Variants in MAP2K5 observed in about 807,000 individuals in gnomAD.
The protein encoded by MAP2K5 is mitogen-activated protein kinase kinase 5, also known as dual specificity mitogen-activated protein kinase kinase 5.
A neutral mutation model predicts 83.1 loss-of-function variants in MAP2K5; 49 were observed. That is an observed-to-expected ratio of 0.59 (90% CI 0.47 to 0.75). MAP2K5 has a LOEUF of 0.75. Among genes scored for constraint, MAP2K5 ranks in the 30% least tolerant of loss-of-function variants. The pLI, the probability that MAP2K5 is intolerant of heterozygous loss-of-function variation, is 0.00. For missense variants in MAP2K5, 457 were observed against 557.5 expected (o/e 0.82, Z 1.82); for synonymous variants, 202 against 191.8 (o/e 1.05, Z -0.44).
At chr15:67,630,118 T>C (rs1393362131) in intron 8 of MAP2K5, among the ~76,000 whole-genome samples, 1 of 152,150 alleles carries the variant, frequency 6.6e-6, no homozygotes, top group Non-Finnish European at 1.5e-5. Context: ...CCTATAGTCC[T>C]AGCTACTCAG....
intron 17 of MAP2K5, among the ~76,000 whole-genome samples, chr15:67,731,600 A>T (rs995379935): frequency 1.3e-5 from 2 of 152,130 alleles, no homozygotes; most frequent in Non-Finnish European, 2.9e-5. Flanking sequence ...CACCTTTCCC[A>T]CATAGGGTTC....
intron 13 of MAP2K5, among the ~76,000 whole-genome samples, chr15:67,678,186 T>G (rs1454600602): frequency 6.6e-6 from 1 of 151,954 alleles, no homozygotes; most frequent in Non-Finnish European, 1.5e-5. Context: ...AGATATATTG[T>G]TTTTTTTCTT....
At chr15:67,545,959 C>T (rs141828291) in intron 1 of MAP2K5, among the ~76,000 whole-genome samples, 1 of 152,304 alleles carries the variant, frequency 6.6e-6, no homozygotes, top group East Asian at 1.9e-4. Context: ...TGGCTCAAGG[C>T]TGACTGGCTT....
At chr15:67,550,343 C>T (rs2084483245) in intron 2 of MAP2K5, among the ~76,000 whole-genome samples, 1 of 152,130 alleles carries the variant, frequency 6.6e-6, no homozygotes, top group South Asian at 2.1e-4. Context: ...GCTCTTGCTC[C>T]TGATTGTGAT....
intron 9 of MAP2K5, among the ~76,000 whole-genome samples, chr15:67,643,891 C>T (rs2086773861): frequency 6.6e-6 from 1 of 152,134 alleles, no homozygotes; most frequent in Admixed American, 6.5e-5. Flanking sequence ...GTTTATAATG[C>T]ATAACTTATG....
Position 67,790,301 on chromosome 15 carries a change from AT to A in MAP2K5, c.1243-16344del, listed in dbSNP as rs1446560203. ...TGCCCCTAGCCCTAATGTGCCATTAATGATAGGTTAATGTACAGTATAATGT... is the reference window on the plus strand; with the variant it reads ...TGCCCCTAGCCCTAATGTGCCATTAAGATAGGTTAATGTACAGTATAATGT... On this transcript the variant is annotated intron_variant, in intron 21 of 21. Transcript: ENST00000178640. This position sits in a 1 kb window ranked among gnomAD's most constrained non-coding sequence, Gnocchi z 4.6. 6.6e-6 allele frequency among the ~76,000 whole-genome samples: 1 copy of A among 152,224 alleles called. No individual in the cohort carries two copies. The highest frequency in any genetic ancestry group is 1.5e-5 in the Non-Finnish European group (1 of 68,046).
rs1182692227 is a variant in MAP2K5, at chr15:67,768,316, C to A, written c.1135-1286C>A. Reference sequence around the variant, plus strand: ...CTATCTGCCACCATTGATAATGACACGCATATTGCAGAGGTGCTTTTATCA... The same window carrying A: ...CTATCTGCCACCATTGATAATGACAAGCATATTGCAGAGGTGCTTTTATCA... On this transcript the variant is annotated intron_variant, in intron 19 of 21. Coordinates refer to ENST00000178640, the MANE Select transcript of MAP2K5 (RefSeq NM_145160.3). This position sits in a 1 kb window ranked among gnomAD's most constrained non-coding sequence, Gnocchi z 4.0. Among the ~76,000 whole-genome samples the A allele has an allele frequency of 6.6e-6, 1 of 152,172 alleles. No homozygotes were observed.
intron 16 of MAP2K5, among the ~76,000 whole-genome samples, chr15:67,715,027 G>A (rs1462572900): frequency 6.6e-6 from 1 of 152,136 alleles, no homozygotes; most frequent in Non-Finnish European, 1.5e-5. Context: ...GATCTGAAGG[G>A]CCCAAAGACA....
rs534321185 is a variant in MAP2K5 at position 67,803,663 on chromosome 15, A to G, written c.1243-2983A>G. Among the ~76,000 whole-genome samples the G allele has an allele frequency of 5.3e-5, 8 of 152,236 alleles. No homozygotes were observed. The East Asian group carries it at 1.5e-3, about 29-fold the overall frequency. ...GGTGTATTTTCCCTGAATCCCATGC[A>G]GGGCTGATGGGAGGAGGGGGAGTCA... On this transcript the variant is annotated intron_variant, in intron 21 of 21. Transcript: ENST00000178640.
At chr15:67,734,936 A>C (rs902167492) in intron 17 of MAP2K5, among the ~76,000 whole-genome samples, 3 of 152,190 alleles carry the variant, frequency 2.0e-5, no homozygotes, top group Admixed American at 6.5e-5. Context: ...TTTTCTAAAC[A>C]GATGTCTAGC....
intron 4 of MAP2K5, among the ~76,000 whole-genome samples, chr15:67,581,043 T>C (rs887548406): frequency 3.3e-5 from 5 of 152,206 alleles, no homozygotes; most frequent in African/African-American, 1.2e-4. Context: ...AGATTGTTTT[T>C]TGTTTTTGAA....
At chr15:67,544,016 T>C (rs772208143) in intron 1 of MAP2K5, among the ~76,000 whole-genome samples, 10 of 152,220 alleles carry the variant, frequency 6.6e-5, no homozygotes, top group Non-Finnish European at 8.8e-5. Flanking sequence ...GCTCAAGCGA[T>C]TCTCCTACCT....
chr15:67,646,150 G>GT (rs983533393), intron 9 of MAP2K5, 81 bp from the exon 10 acceptor site: 2 of 619,824 alleles, frequency 3.2e-6, no homozygotes. Flanking sequence ...GAACTACCAT[G>GT]TTTTTAGTTC....
chr15:67,707,991 C>G (rs765882646), intron 16 of MAP2K5, among the ~76,000 whole-genome samples: 1 of 151,970 alleles, frequency 6.6e-6, no homozygotes, highest in South Asian at 2.1e-4. Context: ...TGTAGGAAAC[C>G]GAGCAAAGGA....
At chr15:67,557,149 A>G (rs922007654) in intron 2 of MAP2K5, among the ~76,000 whole-genome samples, 12 of 152,336 alleles carry the variant, frequency 7.9e-5, no homozygotes, top group African/African-American at 2.9e-4. Context: ...ACACCAACAC[A>G]TGAGGTGATA....
At position 67,676,850 on chromosome 15, in the gene MAP2K5, C is replaced by G. The variant is rs935567993; in HGVS notation, c.847+12205C>G. On this transcript the variant is annotated intron_variant, in intron 13 of 21. Coordinates refer to ENST00000178640, the MANE Select transcript of MAP2K5 (RefSeq NM_145160.3). The surrounding 1 kb of genome is among the most constrained non-coding windows in gnomAD (Gnocchi z 4.8). ...TGGTTGGTGGCCTAATGGAAAAGCT[C>G]TAGTATGAGGGTCAGACCCAGGTTT... Among the ~76,000 whole-genome samples, 2 of 152,108 alleles carry G rather than the reference C, an allele frequency of 1.3e-5. No homozygotes were observed. Among genetic ancestry groups the G allele is most frequent in the Non-Finnish European group, 1.5e-5 (1 of 68,020 alleles).
intron 8 of MAP2K5, among the ~76,000 whole-genome samples, chr15:67,620,895 G>A (rs2086166181): frequency 2.0e-5 from 3 of 152,130 alleles, no homozygotes; most frequent in African/African-American, 7.2e-5. Context: ...TATAATAGAG[G>A]AAGAGAAGTC....
intron 3 of MAP2K5, among the ~76,000 whole-genome samples, chr15:67,571,648 C>G (rs1369580212): frequency 2.0e-5 from 3 of 151,914 alleles, no homozygotes; most frequent in Non-Finnish European, 1.5e-5. Flanking sequence ...ATACCAGCTC[C>G]TTTAATTTTG....
chr15:67,693,937 G>A (rs1361510770), intron 15 of MAP2K5, among the ~76,000 whole-genome samples: 1 of 150,892 alleles, frequency 6.6e-6, no homozygotes, highest in African/African-American at 2.4e-5. Flanking sequence ...TTTTTTCTTG[G>A]AATATGAACA....
Sources: allele counts gnomAD v4.1 joint callset (sites outside exome capture counted in the v4.1 genomes callset), GRCh38; gene constraint gnomAD v4.1.1; non-coding constraint Gnocchi (gnomAD v3.1); transcripts MANE v1.5; gene names NCBI Gene and HGNC (gene_info 2026-07-23, HGNC 2026-07-21).